The following DDX52 variants were observed in gnomAD, a reference collection of about 807,000 sequenced individuals.
DDX52 encodes the protein probable ATP-dependent RNA helicase DDX52.
DDX52 carries 59 observed loss-of-function variants against 76.1 expected under a neutral mutation model. That is an observed-to-expected ratio of 0.78 (90% confidence interval 0.63 to 0.96). The LOEUF is 0.96. Ranked by LOEUF, DDX52 falls within the 40% of genes least tolerant of loss-of-function variation. The pLI is 0.00. For missense variants in DDX52, 707 were observed against 703.9 expected (o/e 1.00, Z -0.05); for synonymous variants, 231 against 244.1 (o/e 0.95, Z 0.50).
At position 37,614,363 on chromosome 17, in the gene DDX52, G is replaced by A. The variant is rs771039068; in HGVS notation, c.1743-10C>T. 3.7e-6 allele frequency: 6 copies of A among 1,604,974 alleles called. 1 individual carries two copies. In the South Asian group the frequency reaches 4.5e-5, roughly 12 times the overall value. ...ACCAGTGACCTTTTTCCTGTAAAGAGCAAAGTAAGAAAAATTGAATAAAAA... is the reference window on the plus strand; with the variant it reads ...ACCAGTGACCTTTTTCCTGTAAAGAACAAAGTAAGAAAAATTGAATAAAAA... On this transcript the variant is annotated splice_polypyrimidine_tract_variant and intron_variant, in intron 14 of 14. Transcript: ENST00000617633.
Position 37,636,976 on chromosome 17 carries a change from T to A in DDX52, c.287-3558A>T, listed in dbSNP as rs576916766. Among the ~76,000 whole-genome samples the A allele has an allele frequency of 7.2e-5, 11 of 152,270 alleles. No individual in the cohort carries two copies. The South Asian group carries it at 2.1e-3, about 29-fold the overall frequency. ...GGTTTGGCTTACACCACATATATAT[T>A]TTTTTCAAGATAGGGTTTTGTTCTG... On this transcript the variant is annotated intron_variant, in intron 2 of 14. Transcript: ENST00000617633.
At chr17:37,621,061 G>A (rs1213113207) in intron 11 of DDX52, 66 bp downstream of exon 11, 4 of 1,557,090 alleles carry the variant, frequency 2.6e-6, no homozygotes, top group Non-Finnish European at 3.5e-6. Context: ...ATATGTGCAG[G>A]GAATAGCAGG....
At chr17:37,642,416 T>C in intron 1 of DDX52, 108 bp from the exon 2 acceptor site, 1 of 1,264,600 alleles carries the variant, frequency 7.9e-7, no homozygotes, top group Non-Finnish European at 1.1e-6. Context: ...TCACCAAGTA[T>C]CTGTCGAGCT....
chr17:37,628,727 T>A, intron 5 of DDX52, 55 bp from the exon 6 acceptor site: 1 of 1,224,928 alleles, frequency 8.2e-7, no homozygotes, highest in Non-Finnish European at 1.2e-6. Flanking sequence ...ACAAGATGTA[T>A]ACTCTTTTAC....
At position 37,611,910 on chromosome 17, in the gene DDX52, A is replaced by G. The variant is rs2064370347; in HGVS notation, c.*2386T>C. ...TAAGAGGTCAAGGCTGCAGTGGGCC[A>G]TGATTGTGCCACTAAACTCCAAATT... On this transcript the variant is annotated 3_prime_UTR_variant, in exon 15 of 15. Coordinates refer to ENST00000617633, the MANE Select transcript of DDX52 (RefSeq NM_007010.5). 1 of 147,814 alleles carries G rather than the reference A, an allele frequency of 6.8e-6. No individual in the cohort carries two copies. The highest frequency in any genetic ancestry group is 6.9e-5 in the Admixed American group (1 of 14,480). The allele number at this position is 147,814 out of a possible 1,614,324, so 9.2% of individuals were successfully genotyped here. A position where few individuals can be genotyped will look rare whatever the true frequency, so the allele number is the denominator to read the frequency against.
At position 37,614,103 on chromosome 17, in the gene DDX52, G is replaced by GAA; in HGVS notation, c.*191_*192dup. The GAA allele has an allele frequency of 1.7e-5, 9 of 519,208 alleles. No homozygotes were observed. The highest frequency in any genetic ancestry group is 3.9e-5 in the Admixed American group (1 of 25,426). 32.2% of individuals were successfully genotyped at this position (519,208 alleles called of 1,614,324 possible). ...CATGGCAAGACCCTCATCTCTACAG[G>GAA]AAAAAAAAAAGGCACCTACAAATTG... On this transcript the variant is annotated 3_prime_UTR_variant, in exon 15 of 15. Transcript: ENST00000617633.
chr17:37,622,880 A>T (rs147661283), intron 9 of DDX52, among the ~76,000 whole-genome samples: 129 of 152,380 alleles, frequency 8.5e-4, no homozygotes, highest in African/African-American at 2.8e-3. Context: ...TATAATAAGT[A>T]CTATGCTTGT....
In DDX52 at chr17:37,609,767, T is replaced by A. The variant is rs1442831326; in HGVS notation, c.*4529A>T. 1 of 171,662 alleles carries A rather than the reference T, an allele frequency of 5.8e-6. No individual in the cohort carries two copies. The highest frequency in any genetic ancestry group is 1.2e-5 in the Non-Finnish European group (1 of 80,966). 10.6% of individuals were successfully genotyped at this position (171,662 alleles called of 1,614,324 possible). A position where few individuals can be genotyped will look rare whatever the true frequency, so the allele number is the denominator to read the frequency against. On this transcript the variant is annotated 3_prime_UTR_variant, in exon 15 of 15. Coordinates refer to ENST00000617633, the MANE Select transcript of DDX52 (RefSeq NM_007010.5). Reference sequence around the variant, plus strand: ...TTAAACTATACGGTGGGTACACTGGTGTTCTTTTATTGTTACTCTTTACAC... The same window carrying A: ...TTAAACTATACGGTGGGTACACTGGAGTTCTTTTATTGTTACTCTTTACAC...
Position 37,639,334 on chromosome 17 carries a change from C to T in DDX52, c.286+2776G>A, listed in dbSNP as rs1300065744. ...AGTCTCATACCTTGCTGGAAGGCATCGCAAAGTAGAATAACTTTAAAAAAA... is the reference window on the plus strand; with the variant it reads ...AGTCTCATACCTTGCTGGAAGGCATTGCAAAGTAGAATAACTTTAAAAAAA... On this transcript the variant is annotated intron_variant, in intron 2 of 14. Transcript: ENST00000617633. 5.2e-6 allele frequency: 5 copies of T among 953,470 alleles called. No individual in the cohort carries two copies. The African/African-American group carries it at 5.3e-5, about 10-fold the overall frequency. The allele number at this position is 953,470 out of a possible 1,614,324, so 59.1% of individuals were successfully genotyped here. A position where few individuals can be genotyped will look rare whatever the true frequency, so the allele number is the denominator to read the frequency against.
At chr17:37,629,194 C>T (rs2030546155) in intron 5 of DDX52, among the ~76,000 whole-genome samples, 1 of 150,996 alleles carries the variant, frequency 6.6e-6, no homozygotes, top group African/African-American at 2.4e-5. Context: ...GCACTCCAGC[C>T]TGGTCCACAG....
intron 9 of DDX52, chr17:37,624,136 G>A (rs910668329): frequency 2.9e-5 from 10 of 349,262 alleles, no homozygotes; most frequent in African/African-American, 1.1e-4. Context: ...GGGACAACAC[G>A]CTTCTTAACC....
chr17:37,639,533 C>T (rs1202032299), intron 2 of DDX52: 15 of 666,752 alleles, frequency 2.2e-5, no homozygotes, highest in East Asian at 1.4e-4. Context: ...GTCAGGAGAT[C>T]GAGACCATAC....
chr17:37,616,317 T>C (rs2064424730), intron 14 of DDX52, among the ~76,000 whole-genome samples: 1 of 152,122 alleles, frequency 6.6e-6, no homozygotes, highest in South Asian at 2.1e-4. Flanking sequence ...CTGGTCTAAG[T>C]GTCACCCAGA....
chr17:37,631,871 A>G, intron 4 of DDX52: 1 of 566,370 alleles, frequency 1.8e-6, no homozygotes, highest in African/African-American at 1.9e-5. Context: ...AGAACACACC[A>G]AATACCATGG....
chr17:37,618,339 G>A lies in DDX52; in HGVS notation c.1695C>T (p.Ser565=), dbSNP rs753569655. 6.3e-7 allele frequency: 1 copy of A among 1,594,988 alleles called. No individual in the cohort carries two copies. The highest frequency in any genetic ancestry group is 8.5e-7 in the Non-Finnish European group (1 of 1,174,400). ...AGAAACATTTTGGAGTTGTACTAATGCTCTCCCTTTCCAATGGTTTCTTAA... is the reference window on the plus strand; with the variant it reads ...AGAAACATTTTGGAGTTGTACTAATACTCTCCCTTTCCAATGGTTTCTTAA... ...KMIKKPLERE[S]ISTTPKCFLE... The change falls in exon 14 of 15, where the codon AGC becomes AGT. Residue 565 remains serine, a synonymous_variant. Coordinates refer to ENST00000617633, the MANE Select transcript of DDX52 (RefSeq NM_007010.5).
chr17:37,619,869 G>GT (rs772547077), intron 12 of DDX52, 30 bp from the exon 13 acceptor site: 2 of 1,603,856 alleles, frequency 1.2e-6, no homozygotes, highest in African/African-American at 1.3e-5. Context: ...ACATAAACTT[G>GT]TATCTTTGCT....
At position 37,621,286 on chromosome 17, in the gene DDX52, C is replaced by T. The variant is rs2030075639; in HGVS notation, c.1351-9G>A. The T allele has an allele frequency of 5.6e-6, 9 of 1,602,924 alleles. No individual in the cohort carries two copies. In the East Asian group the frequency reaches 2.0e-4, roughly 36 times the overall value. On this transcript the variant is annotated splice_polypyrimidine_tract_variant and intron_variant, in intron 10 of 14. Transcript: ENST00000617633. ...TGGACTGTGTTATCTCTCTGGTTAA[C>T]AGAATATATATTAAATTGTTTTAGA...
rs1415626603 is a variant in DDX52 at position 37,612,881 on chromosome 17, A to G, written c.*1415T>C. On this transcript the variant is annotated 3_prime_UTR_variant, in exon 15 of 15. Coordinates refer to ENST00000617633, the MANE Select transcript of DDX52 (RefSeq NM_007010.5). Reference sequence around the variant, plus strand: ...CAGCTGGCAAATGGGTTGCACCAGTATACCTACCTCCAGAATATATATTGG... The same window carrying G: ...CAGCTGGCAAATGGGTTGCACCAGTGTACCTACCTCCAGAATATATATTGG... The G allele has an allele frequency of 6.6e-6, 1 of 152,202 alleles. No homozygotes were observed. Among genetic ancestry groups the G allele is most frequent in the African/African-American group, 2.4e-5 (1 of 41,444 alleles). The allele number at this position is 152,202 out of a possible 1,614,324, so 9.4% of individuals were successfully genotyped here.
chr17:37,640,458 T>C (rs940031494), intron 2 of DDX52, among the ~76,000 whole-genome samples: 5 of 152,124 alleles, frequency 3.3e-5, no homozygotes, highest in Non-Finnish European at 7.4e-5. Context: ...GTATTTGTTT[T>C]TTTTTGAGTC....
Sources: allele counts gnomAD v4.1 joint callset (sites outside exome capture counted in the v4.1 genomes callset), GRCh38; gene constraint gnomAD v4.1.1; transcripts MANE v1.5; gene names NCBI Gene and HGNC (gene_info 2026-07-23, HGNC 2026-07-21).